The following RGS7 variants were observed in gnomAD, a reference collection of about 807,000 sequenced individuals.
RGS7 encodes regulator of G protein signaling 7.
In RGS7, 27 loss-of-function variants were observed where a neutral mutation model predicts 81.1. The ratio of observed to expected loss-of-function variants is 0.33; its 90% CI spans 0.25 to 0.46. RGS7 has a LOEUF of 0.46. RGS7 is among the 20% of genes least tolerant of loss of function. RGS7 has a pLI of 1.00. For synonymous variants in RGS7, 208 were observed against 207.7 expected, an observed-to-expected ratio of 1.00 and a Z score of -0.01; for missense variants, 396 against 607.4, an observed-to-expected ratio of 0.65 and a Z score of 3.66.
chr1:241,299,422 T>C (rs895512052), intron 2 of RGS7, among the ~76,000 whole-genome samples: 2 of 152,060 alleles, frequency 1.3e-5, no homozygotes, highest in African/African-American at 4.8e-5. Context: ...AGTAAAAAAA[T>C]GTTTTGAAGG....
chr1:240,916,832 G>A (rs753811129), intron 6 of RGS7, among the ~76,000 whole-genome samples: 5 of 152,112 alleles, frequency 3.3e-5, no homozygotes, highest in Non-Finnish European at 7.4e-5. Flanking sequence ...TATTGTCTAA[G>A]CCATACAGTC....
At chr1:240,988,686 G>A (rs959065100) in intron 3 of RGS7, among the ~76,000 whole-genome samples, 21 of 152,312 alleles carry the variant, frequency 1.4e-4, no homozygotes, top group African/African-American at 5.1e-4. Flanking sequence ...AACCAAAGGA[G>A]CAGGAGAGAT....
At chr1:241,056,365 T>C (rs1022333540) in intron 3 of RGS7, among the ~76,000 whole-genome samples, 1 of 152,244 alleles carries the variant, frequency 6.6e-6, no homozygotes, top group Admixed American at 6.5e-5. Context: ...CTGTTTCAGC[T>C]TCTTCTTAGC....
chr1:240,981,767 A>G (rs1572107844), intron 4 of RGS7, among the ~76,000 whole-genome samples: 2 of 152,324 alleles, frequency 1.3e-5, no homozygotes, highest in Admixed American at 1.3e-4. Context: ...GGGGGTGTAC[A>G]CAGGCCTTTA....
intron 2 of RGS7, among the ~76,000 whole-genome samples, chr1:241,212,325 G>C (rs186620148): frequency 1.3e-4 from 20 of 152,284 alleles, no homozygotes; most frequent in African/African-American, 4.6e-4. Flanking sequence ...CCAAAACCCA[G>C]GAACAGGGTC....
intron 2 of RGS7, among the ~76,000 whole-genome samples, chr1:241,273,179 C>CA (rs1553305853): frequency 1.8e-5 from 2 of 114,024 alleles, no homozygotes; most frequent in South Asian, 3.7e-4. Context: ...TAATGAACCC[C>CA]CCCCCCCAAA....
intron 2 of RGS7, among the ~76,000 whole-genome samples, chr1:241,291,125 CACAG>C (rs2079066198): frequency 6.6e-6 from 1 of 152,158 alleles, no homozygotes; most frequent in Non-Finnish European, 1.5e-5. Context: ...ATAAAATAAA[CACAG>C]ACAAAGCCAG....
At chr1:240,948,117 C>T (rs143210927) in intron 4 of RGS7, among the ~76,000 whole-genome samples, 3 of 152,278 alleles carry the variant, frequency 2.0e-5, no homozygotes, top group South Asian at 4.2e-4. Context: ...TTTTAGTTGG[C>T]TTTCATAAAA....
intron 9 of RGS7, among the ~76,000 whole-genome samples, chr1:240,863,470 G>A (rs1662626188): frequency 6.6e-6 from 1 of 152,092 alleles, no homozygotes; most frequent in Non-Finnish European, 1.5e-5. Flanking sequence ...GTGAGATTCT[G>A]TTTTAAAAAA....
chr1:240,964,320 G>C (rs1048086433), intron 4 of RGS7, among the ~76,000 whole-genome samples: 2 of 152,180 alleles, frequency 1.3e-5, no homozygotes, highest in African/African-American at 4.8e-5. Flanking sequence ...TTACAGAAAG[G>C]ATTGCCAGGA....
intron 4 of RGS7, among the ~76,000 whole-genome samples, chr1:240,949,840 T>C (rs195777): frequency 0.99 from 134,327 of 135,220 alleles, 66,730 homozygotes; most frequent in Middle Eastern, 1. Context: ...AGAACAAGAC[T>C]CTGACTCAAA....
intron 2 of RGS7, among the ~76,000 whole-genome samples, chr1:241,313,378 A>G (rs2080667658): frequency 6.6e-6 from 1 of 152,346 alleles, no homozygotes; most frequent in Non-Finnish European, 1.5e-5. Flanking sequence ...CTCTCTTGGT[A>G]GAGGCTAATG....
At chr1:240,856,777 A>G (rs1216956972) in intron 9 of RGS7, among the ~76,000 whole-genome samples, 1 of 152,156 alleles carries the variant, frequency 6.6e-6, no homozygotes, top group Non-Finnish European at 1.5e-5. Flanking sequence ...GGAGAAATCA[A>G]TGGCAGGATT....
rs867607182 is a variant in RGS7, at chr1:240,895,770, C to G, written c.386-25651G>C. Among the ~76,000 whole-genome samples, 3 of 152,248 alleles carry G rather than the reference C, an allele frequency of 2.0e-5. 1 individual carries two copies. The highest frequency in any genetic ancestry group is 3.4e-3 in the Middle Eastern group (1 of 294). ...CGTACATGTGCATGTGTCTTTATAGCAGCATGATTTATAATCCTTTAGGTA... is the reference window on the plus strand; with the variant it reads ...CGTACATGTGCATGTGTCTTTATAGGAGCATGATTTATAATCCTTTAGGTA... On this transcript the variant is annotated intron_variant, in intron 6 of 18. Transcript: ENST00000440928.
chr1:240,847,104 A>G (rs1659234396), intron 9 of RGS7, among the ~76,000 whole-genome samples: 2 of 152,138 alleles, frequency 1.3e-5, no homozygotes, highest in Admixed American at 6.6e-5. Context: ...TAACCTTCAA[A>G]CTTCAACTCC....
At chr1:241,103,204 CAT>C (rs531360332) in intron 2 of RGS7, among the ~76,000 whole-genome samples, 1 of 151,990 alleles carries the variant, frequency 6.6e-6, no homozygotes, top group South Asian at 2.1e-4. Flanking sequence ...TACACACACG[CAT>C]ATATATGCAT....
chr1:241,059,222 C>T (rs1306995031), intron 3 of RGS7, among the ~76,000 whole-genome samples: 1 of 152,086 alleles, frequency 6.6e-6, no homozygotes, highest in Non-Finnish European at 1.5e-5. Context: ...GTCACTGGTC[C>T]TTCTCTTCTC....
chr1:241,191,380 TTTTC>T (rs1370861114), intron 2 of RGS7, among the ~76,000 whole-genome samples: 1 of 152,206 alleles, frequency 6.6e-6, no homozygotes, highest in East Asian at 1.9e-4. Context: ...GTGAGCCTTT[TTTTC>T]TTTAGCCTGT....
chr1:240,924,999 G>A (rs1038446772), intron 6 of RGS7, among the ~76,000 whole-genome samples: 3 of 152,114 alleles, frequency 2.0e-5, no homozygotes, highest in African/African-American at 7.2e-5. Flanking sequence ...GGAGGCTCCT[G>A]TCTTTTTTGG....
Sources: gnomAD v4.1 joint callset for allele counts (sites outside exome capture counted in the v4.1 genomes callset) on GRCh38, gnomAD v4.1.1 for gene constraint, MANE v1.5 for transcripts, NCBI Gene and HGNC (gene_info 2026-07-23, HGNC 2026-07-21) for gene names.